The following TRERF1 variants were observed in gnomAD, a reference collection of about 807,000 sequenced individuals.
TRERF1 encodes transcriptional regulating factor 1, also known as transcriptional-regulating factor 1.
Under a neutral mutation model 122.9 loss-of-function variants are expected in TRERF1, and 27 were observed. The observed-to-expected ratio is 0.22, with a 90% CI of 0.16 to 0.30. TRERF1 has a LOEUF of 0.30. Ranked by LOEUF, TRERF1 falls within the 10% of genes least tolerant of loss-of-function variation. The pLI is 1.00. For synonymous variants in TRERF1, 636 were observed against 641.7 expected, an observed-to-expected ratio of 0.99 and a Z score of 0.13; for missense variants, 1,248 against 1,560.3, an observed-to-expected ratio of 0.80 and a Z score of 3.37.
intron 4 of TRERF1, among the ~76,000 whole-genome samples, chr6:42,270,989 G>C (rs376857828): frequency 3.3e-5 from 5 of 151,536 alleles, no homozygotes; most frequent in Non-Finnish European, 7.4e-5. Flanking sequence ...GGATGGTCTC[G>C]ATCTCCTGAC....
In TRERF1 at chr6:42,268,862, C is replaced by T; in HGVS notation, c.729G>A (p.Val243=). 6.2e-7 allele frequency: 1 copy of T among 1,614,118 alleles called. No individual in the cohort carries two copies. Among genetic ancestry groups the T allele is most frequent in the East Asian group, 2.2e-5 (1 of 44,880 alleles). The stretch of plus-strand genomic sequence containing the variant: ...GCAGTGGCTGTCCTCCCTGCACTGG[C>T]ACCTGAGCCAGAGGCTGCTGGTAGT... Residue 243 remains valine (V), a synonymous_variant, in exon 5 of 18, where the codon GTG becomes GTA. Coordinates refer to ENST00000372922, the Ensembl canonical transcript of TRERF1. The surrounding 1 kb of genome is among the most constrained non-coding windows in gnomAD (Gnocchi z 4.4).
At position 42,332,178 on chromosome 6, in the gene TRERF1, G is replaced by A. The variant is rs58713727; in HGVS notation, c.-371+30819C>T. Among the ~76,000 whole-genome samples, 737 of 152,298 alleles carry A rather than the reference G, an allele frequency of 4.8e-3. 38 individuals carry two copies. The East Asian group carries it at 0.11, about 22-fold the overall frequency. ...GGCTGGTCTCAAACTGCTGACCTCAGGTGATCCGCCCACCTCGGCCTCCCA... is the reference window on the plus strand; with the variant it reads ...GGCTGGTCTCAAACTGCTGACCTCAAGTGATCCGCCCACCTCGGCCTCCCA... On this transcript the variant is annotated intron_variant, in intron 3 of 17. Coordinates refer to ENST00000372922, the Ensembl canonical transcript of TRERF1.
At chr6:42,265,828 AAAG>A in intron 5 of TRERF1, 31 bp from the exon 6 acceptor site, 3 of 1,609,342 alleles carry the variant, frequency 1.9e-6, no homozygotes, top group South Asian at 1.1e-5. Flanking sequence ...ACACCGAAAA[AAAG>A]AAGAGAAAAA....
chr6:42,323,731 C>T (rs548195802), intron 3 of TRERF1, among the ~76,000 whole-genome samples: 1 of 152,176 alleles, frequency 6.6e-6, no homozygotes, highest in Non-Finnish European at 1.5e-5. Context: ...CATGTCTTAG[C>T]AGGTTTTCCT....
intron 3 of TRERF1, among the ~76,000 whole-genome samples, chr6:42,325,453 C>T (rs1352511006): frequency 6.6e-6 from 1 of 152,128 alleles, no homozygotes; most frequent in African/African-American, 2.4e-5. Flanking sequence ...ACATATGCAA[C>T]TCATATGTTC....
intron 2 of TRERF1, among the ~76,000 whole-genome samples, chr6:42,381,547 T>C (rs1039255056): frequency 2.0e-5 from 3 of 152,092 alleles, no homozygotes; most frequent in African/African-American, 7.2e-5. Context: ...TAGCCCTTTC[T>C]GGTGACTGTG....
intron 16 of TRERF1, among the ~76,000 whole-genome samples, chr6:42,233,905 C>T (rs553825077): frequency 1.3e-5 from 2 of 152,184 alleles, no homozygotes; most frequent in South Asian, 4.1e-4. Flanking sequence ...GTTTAAGACC[C>T]CCAAATTTTA....
chr6:42,340,495 C>G (rs1418585049), intron 3 of TRERF1, among the ~76,000 whole-genome samples: 1 of 152,120 alleles, frequency 6.6e-6, no homozygotes, highest in African/African-American at 2.4e-5. Context: ...GTAGCATTTT[C>G]CCCCCGTATT....
At chr6:42,357,756 G>A (rs1255200260) in intron 3 of TRERF1, among the ~76,000 whole-genome samples, 1 of 152,196 alleles carries the variant, frequency 6.6e-6, no homozygotes, top group Non-Finnish European at 1.5e-5. Context: ...GCCTAACACA[G>A]AAGCTTAATC....
chr6:42,264,799 A>G, exon 7 of TRERF1: 1 of 1,614,204 alleles, frequency 6.2e-7, no homozygotes, highest in Non-Finnish European at 8.5e-7. Flanking sequence ...CAGATGGAGC[A>G]TGTCAGCTTG....
intron 2 of TRERF1, among the ~76,000 whole-genome samples, chr6:42,427,693 G>T (rs1783846055): frequency 1.3e-5 from 2 of 150,946 alleles, no homozygotes; most frequent in Admixed American, 1.3e-4. Flanking sequence ...GGGACTACAG[G>T]TGTGTGCCAC....
intron 2 of TRERF1, among the ~76,000 whole-genome samples, chr6:42,445,455 C>T (rs777636553): frequency 2.0e-5 from 3 of 151,946 alleles, no homozygotes; most frequent in African/African-American, 4.8e-5. Flanking sequence ...ATTCTGTCCA[C>T]TCTCCTGCAT....
intron 15 of TRERF1, 115 bp from the exon 16 acceptor site, chr6:42,236,526 C>T: frequency 7.0e-7 from 1 of 1,422,942 alleles, no homozygotes; most frequent in African/African-American, 1.4e-5. Context: ...CGCTGTGTTC[C>T]TTTCTTTCTG....
chr6:42,331,487 G>A (rs933399880), intron 3 of TRERF1, among the ~76,000 whole-genome samples: 5 of 152,158 alleles, frequency 3.3e-5, no homozygotes, highest in South Asian at 2.1e-4. Flanking sequence ...GTTCCTGCTC[G>A]GGATTAACTG....
At position 42,393,590 on chromosome 6, in the gene TRERF1, C is replaced by T. The variant is rs142255139; in HGVS notation, c.-453-30511G>A. Among the ~76,000 whole-genome samples, 149 of 152,324 alleles carry T rather than the reference C, an allele frequency of 9.8e-4. No individual in the cohort carries two copies. The highest frequency in any genetic ancestry group is 2.3e-3 in the African/African-American group (96 of 41,574). On this transcript the variant is annotated intron_variant, in intron 2 of 17. Transcript: ENST00000372922. The surrounding 1 kb of genome is among the most constrained non-coding windows in gnomAD (Gnocchi z 4.1). ...TAATGCAACCATTTAGTTCAGTGTGCTTCACCAGAGAATTTCTTTCCTAAA... is the reference window on the plus strand; with the variant it reads ...TAATGCAACCATTTAGTTCAGTGTGTTTCACCAGAGAATTTCTTTCCTAAA...
chr6:42,383,052 C>G (rs1358816699), intron 2 of TRERF1, among the ~76,000 whole-genome samples: 1 of 152,058 alleles, frequency 6.6e-6, no homozygotes, highest in East Asian at 1.9e-4. Flanking sequence ...AAGACCCTGG[C>G]TCTCCAAAAA....
intron 3 of TRERF1, among the ~76,000 whole-genome samples, chr6:42,335,487 A>G (rs59547638): frequency 0.057 from 8,691 of 152,206 alleles, 665 homozygotes; most frequent in East Asian, 0.17. Context: ...GGCACTAAAG[A>G]TTTAAGAAGC....
intron 4 of TRERF1, among the ~76,000 whole-genome samples, chr6:42,280,027 C>T (rs1782013744): frequency 1.3e-5 from 2 of 152,064 alleles, no homozygotes; most frequent in Non-Finnish European, 2.9e-5. Flanking sequence ...GGTCTCCTGC[C>T]TGCGTTTCAG....
At chr6:42,353,879 G>A (rs1017005633) in intron 3 of TRERF1, among the ~76,000 whole-genome samples, 1 of 152,182 alleles carries the variant, frequency 6.6e-6, no homozygotes, top group Admixed American at 6.5e-5. Context: ...AAGATTATGG[G>A]AGGATTTTAA....
Sources: allele counts gnomAD v4.1 joint callset (sites outside exome capture counted in the v4.1 genomes callset), GRCh38; gene constraint gnomAD v4.1.1; non-coding constraint Gnocchi (gnomAD v3.1); transcripts MANE v1.5; gene names NCBI Gene and HGNC (gene_info 2026-07-23, HGNC 2026-07-21).